CLUH: variants seen among roughly 807,000 people sequenced by gnomAD.
The protein encoded by CLUH is CLUH binding protein of NUMT mRNA, also known as clustered mitochondria protein homolog.
Under a neutral mutation model 139.3 loss-of-function variants are expected in CLUH, and 77 were observed. The observed-to-expected ratio is 0.55, with a 90% CI of 0.46 to 0.67. CLUH has a LOEUF of 0.67. Ranked by LOEUF, CLUH falls within the 30% of genes least tolerant of loss-of-function variation. CLUH has a pLI of 0.00. For missense variants in CLUH, 1,876 were observed against 1,875.8 expected (o/e 1.00, Z 0.00); for synonymous variants, 999 against 801.6 (o/e 1.25, Z -4.16).
intron 11 of CLUH, 86 bp downstream of exon 11, chr17:2,696,633 T>G: frequency 3.9e-6 from 6 of 1,551,996 alleles, no homozygotes; most frequent in Non-Finnish European, 5.2e-6. Flanking sequence ...TGCAGAGATG[T>G]CTGCCAGCCT....
intron 10 of CLUH, among the ~76,000 whole-genome samples, 165 bp downstream of exon 10, chr17:2,697,731 T>C (rs577113410): frequency 6.6e-6 from 1 of 152,310 alleles, no homozygotes; most frequent in East Asian, 1.9e-4. Context: ...CTCGGGAGCC[T>C]GACAGCAGGG....
chr17:2,692,553 C>A lies in CLUH; in HGVS notation c.3438+18G>T. The A allele has an allele frequency of 6.2e-7, 1 of 1,605,940 alleles. No homozygotes were observed. Among genetic ancestry groups the A allele is most frequent in the Non-Finnish European group, 8.5e-7 (1 of 1,177,154 alleles). Reference sequence around the variant, plus strand: ...GGATGGAGCTGGGTCCCTGCCGCCCCCCCGCCCCAGCACTCACGTCCAGCA... The same window carrying A: ...GGATGGAGCTGGGTCCCTGCCGCCCACCCGCCCCAGCACTCACGTCCAGCA... On this transcript the variant is annotated intron_variant, in intron 21 of 25. Coordinates refer to ENST00000651024, the MANE Select transcript of CLUH (RefSeq NM_001366661.1).
chr17:2,700,406 C>A lies in CLUH; in HGVS notation c.1242G>T (p.Leu414=), dbSNP rs1485706917. The A allele has an allele frequency of 6.2e-7, 1 of 1,613,234 alleles. No homozygotes were observed. The highest frequency in any genetic ancestry group is 1.3e-5 in the African/African-American group (1 of 74,932). The part of the protein sequence containing the change: ...ELPRKNLPER[L]LRERAIFKVH... ...CCTTGAATATGGCCCTTTCTCGGAG[C>A]AGCCGCTCAGGCAGGTTCTTGCGAG... Residue 414 remains leucine (L), a synonymous_variant, in exon 9 of 26, where the codon CTG becomes CTT. Coordinates refer to ENST00000651024, the MANE Select transcript of CLUH (RefSeq NM_001366661.1).
At chr17:2,705,850 C>T (rs1364238073) in intron 1 of CLUH, among the ~76,000 whole-genome samples, 1 of 152,236 alleles carries the variant, frequency 6.6e-6, no homozygotes, top group East Asian at 1.9e-4. Flanking sequence ...CATTCCTACC[C>T]AGGCACCAGT....
In CLUH at chr17:2,694,104, G is replaced by T. The variant is rs750121392; in HGVS notation, c.3091+19C>A. On this transcript the variant is annotated intron_variant, in intron 18 of 25. Coordinates refer to ENST00000651024, the MANE Select transcript of CLUH (RefSeq NM_001366661.1). ...CATGGGGAACCCCCACCTCCACCCA[G>T]CCCCACCTGGCCACACACCCTGCTG... 1 of 1,613,854 alleles carries T rather than the reference G, an allele frequency of 6.2e-7. No individual in the cohort carries two copies. The highest frequency in any genetic ancestry group is 1.7e-5 in the Admixed American group (1 of 60,012).
rs1489379313 is a variant in CLUH at position 2,689,509 on chromosome 17, T to A, written c.*1085A>T. 6.6e-6 allele frequency: 1 copy of A among 152,646 alleles called. No homozygotes were observed. The highest frequency in any genetic ancestry group is 2.1e-4 in the South Asian group (1 of 4,834). 9.5% of individuals were successfully genotyped at this position (152,646 alleles called of 1,614,324 possible). ...CTTGCCCGCTCACGCCCATCCCCCT[T>A]GAAACAAGGTGTCTGGACGGACCAC... is the stretch of plus-strand genomic sequence containing the variant. On this transcript the variant is annotated 3_prime_UTR_variant, in exon 26 of 26. Coordinates refer to ENST00000651024, the MANE Select transcript of CLUH (RefSeq NM_001366661.1).
Position 2,703,750 on chromosome 17 carries a change from C to A in CLUH, c.304-261G>T, listed in dbSNP as rs2070259961. Reference sequence around the variant, plus strand: ...CCTGGAGCCTGGCCCACCGACTCGGCCTGCAGACCCAGAGCAATGCCCGAG... The same window carrying A: ...CCTGGAGCCTGGCCCACCGACTCGGACTGCAGACCCAGAGCAATGCCCGAG... On this transcript the variant is annotated intron_variant, in intron 2 of 25. Transcript: ENST00000651024. The surrounding 1 kb of genome is among the most constrained non-coding windows in gnomAD (Gnocchi z 4.2). 6.6e-6 allele frequency among the ~76,000 whole-genome samples: 1 copy of A among 152,082 alleles called. No homozygotes were observed. The highest frequency in any genetic ancestry group is 1.5e-5 in the Non-Finnish European group (1 of 68,018).
rs202053376 is a variant in CLUH at position 2,690,678 on chromosome 17, G to A, written c.3963C>T (p.Thr1321=). 7.5e-3 allele frequency: 11,756 copies of A among 1,562,702 alleles called. 64 individuals are homozygous for A. Among genetic ancestry groups the A allele is most frequent in the Non-Finnish European group, 9.2e-3 (10,716 of 1,161,142 alleles). Residue 1321 remains threonine (T), a synonymous_variant, in exon 26 of 26, where the codon ACC becomes ACT. Coordinates refer to ENST00000651024, the MANE Select transcript of CLUH (RefSeq NM_001366661.1). The part of the protein sequence containing the change: ...NRDRAEEPMA[T]EPAPAGAPGD... ...CTGGGGCCCCCGCTGGCGCGGGCTC[G>A]GTAGCCATGGGCTCCTCGGCTCTAT...
chr17:2,704,470 G>A lies in CLUH; in HGVS notation c.195C>T (p.Asp65=), dbSNP rs781424734. The A allele has an allele frequency of 7.6e-5, 122 of 1,598,768 alleles. No individual in the cohort carries two copies. Among genetic ancestry groups the A allele is most frequent in the Non-Finnish European group, 9.5e-5 (112 of 1,173,248 alleles). Residue 65 remains aspartate (D), a synonymous_variant, in exon 2 of 26, where the codon GAC becomes GAT. Coordinates refer to ENST00000651024, the MANE Select transcript of CLUH (RefSeq NM_001366661.1). This position sits in a 1 kb window ranked among gnomAD's most constrained non-coding sequence, Gnocchi z 5.7. ...AAEPPRENGL[D]EAGPGDETTG... is the part of the protein sequence containing the mutation. ...TGGTCTCATCTCCCGGGCCGGCCTC[G>A]TCAAGCCCATTTTCCCTGGGTGGCT...
chr17:2,711,569 G>C lies in CLUH; in HGVS notation c.93C>G (p.Gly31=). 1.0e-6 allele frequency: 1 copy of C among 975,252 alleles called. No homozygotes were observed. Among genetic ancestry groups the C allele is most frequent in the Non-Finnish European group, 1.2e-6 (1 of 824,308 alleles). 60.4% of individuals were successfully genotyped at this position (975,252 alleles called of 1,614,324 possible). A position where few individuals can be genotyped will look rare whatever the true frequency, so the allele number is the denominator to read the frequency against. ...GGCCCTGGCCCCGCTCACCGGCCGCGCCCGGCCGCCCCTTGCCCCCGGCCT... is the reference window on the plus strand; with the variant it reads ...GGCCCTGGCCCCGCTCACCGGCCGCCCCCGGCCGCCCCTTGCCCCCGGCCT... ...GSQAGGKGRP[G]AAELPSVMLL... The change falls in exon 1 of 26, where the codon GGC becomes GGG. Residue 31 remains glycine, a synonymous_variant. Transcript: ENST00000651024.
At chr17:2,695,797 A>C (rs1290946403) in intron 13 of CLUH, 1 of 583,488 alleles carries the variant, frequency 1.7e-6, no homozygotes, top group Middle Eastern at 4.6e-4. Flanking sequence ...CCGTGTCCTG[A>C]GGCTTGGAGG....
Position 2,703,245 on chromosome 17 carries a change from G to A in CLUH, c.475+73C>T, listed in dbSNP as rs2070243021. On this transcript the variant is annotated intron_variant, in intron 3 of 25. Transcript: ENST00000651024. This position sits in a 1 kb window ranked among gnomAD's most constrained non-coding sequence, Gnocchi z 4.2. ...AGCTCATCCGTGACACAGGGACCCT[G>A]GCATGGATGGTGCTGCCTGCCTCTG... 1.6e-5 allele frequency: 23 copies of A among 1,472,552 alleles called. No homozygotes were observed. Among genetic ancestry groups the A allele is most frequent in the Non-Finnish European group, 2.1e-5 (23 of 1,089,266 alleles). 91.2% of individuals were successfully genotyped at this position (1,472,552 alleles called of 1,614,324 possible).
intron 9 of CLUH, 75 bp downstream of exon 9, chr17:2,700,307 C>T: frequency 7.1e-7 from 1 of 1,415,864 alleles, no homozygotes; most frequent in South Asian, 1.3e-5. Context: ...CCTTGCTTTC[C>T]TCCTCTCCAT....
intron 13 of CLUH, 109 bp from the exon 14 acceptor site, chr17:2,695,635 A>G: frequency 1.4e-5 from 19 of 1,357,188 alleles, no homozygotes; most frequent in Non-Finnish European, 1.9e-5. Flanking sequence ...AGGACCCCGA[A>G]GGCTCCAGCT....
intron 25 of CLUH, 43 bp from the exon 26 acceptor site, chr17:2,690,820 C>G (rs1277076192): frequency 1.4e-6 from 2 of 1,413,074 alleles, no homozygotes; most frequent in South Asian, 3.2e-5. Flanking sequence ...CAGAGGAGTC[C>G]TGGGGGCTCC....
intron 11 of CLUH, 79 bp from the exon 12 acceptor site, chr17:2,696,617 G>C: frequency 6.5e-7 from 1 of 1,536,376 alleles, no homozygotes; most frequent in Non-Finnish European, 8.8e-7. Context: ...TCGCCCCCTA[G>C]CTCCTTGCAG....
intron 23 of CLUH, 44 bp from the exon 24 acceptor site, chr17:2,691,939 G>GCCCCCGCCCCC: frequency 8.5e-6 from 9 of 1,061,458 alleles, no homozygotes; most frequent in Admixed American, 3.8e-5. Context: ...GTGCCCCCGC[G>GCCCCCGCCCCC]GCCCCGCCCC....
At chr17:2,695,549 C>T in intron 13 of CLUH, 23 bp from the exon 14 acceptor site, 1 of 1,568,252 alleles carries the variant, frequency 6.4e-7, no homozygotes, top group Non-Finnish European at 8.6e-7. Context: ...GCAGCTCAGG[C>T]CCCCACCCAG....
chr17:2,704,655 G>C lies in CLUH; in HGVS notation c.101-91C>G. 8.9e-6 allele frequency: 11 copies of C among 1,240,916 alleles called. No individual in the cohort carries two copies. The highest frequency in any genetic ancestry group is 1.2e-5 in the Non-Finnish European group (11 of 908,168). 76.9% of individuals were successfully genotyped at this position (1,240,916 alleles called of 1,614,324 possible). A position where few individuals can be genotyped will look rare whatever the true frequency, so the allele number is the denominator to read the frequency against. On this transcript the variant is annotated intron_variant, in intron 1 of 25. Transcript: ENST00000651024. This position sits in a 1 kb window ranked among gnomAD's most constrained non-coding sequence, Gnocchi z 5.7. ...CCCACACGGGGACACGTGCCTTCTG[G>C]AAAGGCATCTGCATGCCCTCGAGAG...
Sources: gnomAD v4.1 joint callset for allele counts (sites outside exome capture counted in the v4.1 genomes callset) on GRCh38, gnomAD v4.1.1 for gene constraint, Gnocchi (gnomAD v3.1) non-coding constraint, MANE v1.5 for transcripts, NCBI Gene and HGNC (gene_info 2026-07-23, HGNC 2026-07-21) for gene names.